The following SMPX variants were observed in gnomAD, a reference collection of about 807,000 sequenced individuals.
SMPX encodes the protein small muscle protein X-linked.
SMPX carries 2 observed loss-of-function variants against 6.3 expected under a neutral mutation model. The ratio of observed to expected loss-of-function variants is 0.32; its 90% CI spans 0.13 to 0.99. The LOEUF (loss-of-function observed/expected upper bound fraction) is 0.99, where lower values mean the gene tolerates loss of function less well. Ranked by LOEUF, SMPX falls within the 50% of genes least tolerant of loss-of-function variation. The pLI is 0.49. For synonymous variants in SMPX, 32 were observed against 24.7 expected, an observed-to-expected ratio of 1.30 and a Z score of -0.88; for missense variants, 60 against 66.8, an observed-to-expected ratio of 0.90 and a Z score of 0.36.
chrX:21,735,210 T>C (rs1333888582), intron 4 of SMPX, among the ~76,000 whole-genome samples: 3 of 112,084 alleles, frequency 2.7e-5, no homozygotes, highest in Admixed American at 9.5e-5. Context: ...CCACAGACTA[T>C]GACTACTGAA....
chrX:21,746,706 AATATGTCGAAC>A (rs1397244427), intron 2 of SMPX, among the ~76,000 whole-genome samples: 1 of 107,314 alleles, frequency 9.3e-6, no homozygotes, highest in East Asian at 2.9e-4. Flanking sequence ...GCAGCCTGAA[AATATGTCGAAC>A]ATTCGATCAT....
At chrX:21,715,303 T>TGTGTGTGTGC (rs1175730294) in intron 4 of SMPX, among the ~76,000 whole-genome samples, 82 of 86,065 alleles carry the variant, frequency 9.5e-4, no homozygotes, top group African/African-American at 4.4e-3. Flanking sequence ...TGTGTGTGTG[T>TGTGTGTGTGC]GCGCGCACGC....
chrX:21,712,323 C>A, intron 4 of SMPX, among the ~76,000 whole-genome samples: 1 of 111,936 alleles, frequency 8.9e-6, no homozygotes, highest in Non-Finnish European at 1.9e-5. Flanking sequence ...ACATAAAGAC[C>A]AGAACATTTG....
chrX:21,743,872 A>C (rs2092818776), intron 2 of SMPX, 36 bp from the exon 3 acceptor site: 11 of 1,040,670 alleles, frequency 1.1e-5, no homozygotes, highest in Non-Finnish European at 1.5e-5. Context: ...AGCTCAAAAA[A>C]AGTAAGAAAT....
intron 4 of SMPX, among the ~76,000 whole-genome samples, chrX:21,728,889 G>A (rs768070699): frequency 8.9e-6 from 1 of 111,965 alleles, no homozygotes; most frequent in Non-Finnish European, 1.9e-5. Flanking sequence ...TGCAAAATAT[G>A]GTACCAGGCA....
chrX:21,715,298 G>GCGCGCGCA (rs2092783268), intron 4 of SMPX, among the ~76,000 whole-genome samples: 1 of 99,619 alleles, frequency 1.0e-5, no homozygotes, highest in Non-Finnish European at 1.9e-5. Flanking sequence ...GTGTGTGTGT[G>GCGCGCGCA]TGTGTGCGCG....
At chrX:21,738,383 T>C (rs780103336) in intron 3 of SMPX, among the ~76,000 whole-genome samples, 2 of 111,305 alleles carry the variant, frequency 1.8e-5, no homozygotes, top group South Asian at 7.7e-4. Context: ...TATGCCTCTA[T>C]GTACATACAC....
intron 4 of SMPX, among the ~76,000 whole-genome samples, chrX:21,716,371 G>A (rs2092785150): frequency 8.9e-6 from 1 of 112,165 alleles, no homozygotes; most frequent in African/African-American, 3.2e-5. Flanking sequence ...TGTTTCCTGA[G>A]TGTCCACTGT....
At chrX:21,740,232 T>C (rs947007236) in intron 3 of SMPX, among the ~76,000 whole-genome samples, 1 of 112,287 alleles carries the variant, frequency 8.9e-6, no homozygotes, top group African/African-American at 3.2e-5. Flanking sequence ...GTAAGAATTA[T>C]AGTAAGTTAA....
rs2092830625 is a variant in SMPX at position 21,754,431 on chromosome X, A to C, written c.-12-129T>G. The stretch of plus-strand genomic sequence containing the variant: ...ACTGGCCATATATTCTTTCAGTCTC[A>C]GTTTCCAAAGTTACGAAGACACTCT... On this transcript the variant is annotated intron_variant, in intron 1 of 4. Coordinates refer to ENST00000379494, the MANE Select transcript of SMPX (RefSeq NM_014332.3). The C allele has an allele frequency of 5.3e-6, 3 of 567,636 alleles. No homozygotes were observed. In the African/African-American group the frequency reaches 6.7e-5, roughly 13 times the overall value. 46.8% of individuals were successfully genotyped at this position (567,636 alleles called of 1,213,427 possible).
At chrX:21,719,221 T>A (rs1181443039) in intron 4 of SMPX, among the ~76,000 whole-genome samples, 2 of 111,863 alleles carry the variant, frequency 1.8e-5, no homozygotes, top group African/African-American at 6.5e-5. Flanking sequence ...GGTTTGATCC[T>A]CAGAAATCAA....
chrX:21,757,371 A>T (rs762424291), intron 1 of SMPX, among the ~76,000 whole-genome samples: 6 of 111,549 alleles, frequency 5.4e-5, no homozygotes, highest in Admixed American at 2.9e-4. Context: ...AGGGACAGTG[A>T]GTGCTGCCCT....
intron 2 of SMPX, among the ~76,000 whole-genome samples, chrX:21,752,487 G>A (rs144747957): frequency 9.0e-6 from 1 of 111,301 alleles, no homozygotes; most frequent in Non-Finnish European, 1.9e-5. Context: ...ATGCGTGCTT[G>A]CTATGCTGTT....
At chrX:21,710,415 G>A (rs1254956878) in intron 4 of SMPX, among the ~76,000 whole-genome samples, 1 of 111,146 alleles carries the variant, frequency 9.0e-6, no homozygotes, top group Non-Finnish European at 1.9e-5. Context: ...AAGGGTGGGA[G>A]AGGAGCTAGG....
intron 4 of SMPX, among the ~76,000 whole-genome samples, chrX:21,728,220 C>G (rs1430488064): frequency 1.1e-4 from 2 of 18,676 alleles, no homozygotes; most frequent in Non-Finnish European, 1.7e-4. Flanking sequence ...TCCTTTCTCT[C>G]TCTCTCTCTC....
At chrX:21,743,253 T>G (rs2147390066) in intron 3 of SMPX, among the ~76,000 whole-genome samples, 1 of 111,911 alleles carries the variant, frequency 8.9e-6, no homozygotes, top group African/African-American at 3.2e-5. Flanking sequence ...CCCAAATAAT[T>G]TAATGTGCTT....
At chrX:21,735,774 A>AT (rs990217486) in intron 4 of SMPX, among the ~76,000 whole-genome samples, 7 of 112,213 alleles carry the variant, frequency 6.2e-5, no homozygotes, top group African/African-American at 2.3e-4. Context: ...GGTGATGATA[A>AT]TAAATATTAC....
At chrX:21,755,116 G>T (rs902793103) in intron 1 of SMPX, among the ~76,000 whole-genome samples, 20 of 112,765 alleles carry the variant, frequency 1.8e-4, no homozygotes, top group African/African-American at 5.5e-4. Context: ...CACATTAGGG[G>T]ATGCGGGATG....
chrX:21,714,626 G>T lies in SMPX; in HGVS notation c.*15-8232C>A, dbSNP rs142373727. On this transcript the variant is annotated intron_variant, in intron 4 of 4. Transcript: ENST00000379494. The stretch of plus-strand genomic sequence containing the variant: ...ACCCTCATCATTTATACTGCTGTGT[G>T]CCTGCTATACAGAAGATACTTAATA... Among the ~76,000 whole-genome samples, 14 of 111,876 alleles carry T rather than the reference G, an allele frequency of 1.3e-4. No homozygotes were observed. The East Asian group carries it at 3.9e-3, about 31-fold the overall frequency.
Sources: gnomAD v4.1 joint callset for allele counts (sites outside exome capture counted in the v4.1 genomes callset) on GRCh38, gnomAD v4.1.1 for gene constraint, MANE v1.5 for transcripts, NCBI Gene and HGNC (gene_info 2026-07-23, HGNC 2026-07-21) for gene names.